Variants in NTRK3 observed in about 807,000 individuals in gnomAD.
NTRK3 encodes the protein NT-3 growth factor receptor.
Under a neutral mutation model 91.7 loss-of-function variants are expected in NTRK3, and 24 were observed. The observed-to-expected ratio is 0.26, with a 90% CI of 0.19 to 0.37. The LOEUF is 0.37. Ranked by LOEUF, NTRK3 falls within the 10% of genes least tolerant of loss-of-function variation. The probability of loss-of-function intolerance (pLI) is 1.00; values close to 1 mark genes in which losing one functional copy is unlikely to be tolerated. For missense variants in NTRK3, 880 were observed against 1,068.9 expected (o/e 0.82, Z 2.46); for synonymous variants, 483 against 404.0 (o/e 1.20, Z -2.34).
intron 17 of NTRK3, among the ~76,000 whole-genome samples, chr15:87,904,161 T>TC (rs1181422567): frequency 6.6e-6 from 1 of 151,634 alleles, no homozygotes. Flanking sequence ...AGCATTTTTT[T>TC]TTTTTTTTGA....
At chr15:87,908,492 G>C (rs920076300) in intron 17 of NTRK3, 2 of 399,818 alleles carry the variant, frequency 5.0e-6, no homozygotes, top group Non-Finnish European at 4.4e-6. Flanking sequence ...GACTCACTGT[G>C]GAAGCTGCCG....
chr15:87,955,828 G>C (rs965402052), intron 14 of NTRK3, among the ~76,000 whole-genome samples: 2 of 152,152 alleles, frequency 1.3e-5, no homozygotes, highest in African/African-American at 2.4e-5. Flanking sequence ...TTGCTGAGGG[G>C]TCACATGTTG....
At position 87,918,594 on chromosome 15, in the gene NTRK3, A is replaced by T. The variant is rs1364160555; in HGVS notation, c.2133+10597T>A. ...TCCTCTACTTAGATAAGCTTTAGAC[A>T]TTCTTAACTGCCTTTTATACAATTT... On this transcript the variant is annotated intron_variant, in intron 17 of 18. Coordinates refer to ENST00000394480, the Ensembl canonical transcript of NTRK3. 2.6e-5 allele frequency among the ~76,000 whole-genome samples: 4 copies of T among 152,350 alleles called. No homozygotes were observed. The East Asian group carries it at 5.8e-4, about 22-fold the overall frequency.
intron 5 of NTRK3, among the ~76,000 whole-genome samples, chr15:88,152,514 A>T (rs1357474670): frequency 6.6e-6 from 1 of 152,188 alleles, no homozygotes; most frequent in East Asian, 1.9e-4. Flanking sequence ...GCCATCTACA[A>T]GTCAAGGAGA....
chr15:87,954,007 AGTGTGT>A (rs61653896), intron 14 of NTRK3, among the ~76,000 whole-genome samples: 20,307 of 127,662 alleles, frequency 0.16, 1,384 homozygotes, highest in Non-Finnish European at 0.19. Flanking sequence ...AGACCTTTTC[AGTGTGT>A]GTGTGTGTGT....
intron 3 of NTRK3, among the ~76,000 whole-genome samples, chr15:88,196,174 G>A (rs1282561517): frequency 6.6e-6 from 1 of 152,130 alleles, no homozygotes; most frequent in African/African-American, 2.4e-5. Flanking sequence ...CCAAAGCTTG[G>A]GGCATTTTCA....
chr15:87,876,981 T>C (rs774558650), exon 19 of NTRK3: 14 of 1,613,842 alleles, frequency 8.7e-6, no homozygotes, highest in African/African-American at 1.3e-5. Flanking sequence ...CCCCAAAGCA[T>C]GGAGGATTTT....
chr15:87,946,874 C>CTTTTTTTTT (rs560114979), intron 14 of NTRK3, among the ~76,000 whole-genome samples: 4 of 85,440 alleles, frequency 4.7e-5, no homozygotes, highest in Admixed American at 1.6e-4. Flanking sequence ...TTCGTGGGTT[C>CTTTTTTTTT]TTTTTTTTTT....
At chr15:87,893,371 G>A (rs1051572478) in intron 17 of NTRK3, among the ~76,000 whole-genome samples, 11 of 152,296 alleles carry the variant, frequency 7.2e-5, no homozygotes, top group East Asian at 5.8e-4. Context: ...GAAATAAGTG[G>A]TGCAGAAGGT....
chr15:88,161,721 C>A (rs941677603), intron 5 of NTRK3, among the ~76,000 whole-genome samples: 1 of 152,146 alleles, frequency 6.6e-6, no homozygotes, highest in Admixed American at 6.5e-5. Flanking sequence ...AGTGATCACA[C>A]AGTGACAAAT....
At chr15:87,927,188 TTGCTGTGG>T (rs2068388639) in intron 17 of NTRK3, 5 of 152,256 alleles carry the variant, frequency 3.3e-5, no homozygotes, top group African/African-American at 1.2e-4. Flanking sequence ...GCTACCCAGC[TTGCTGTGG>T]ACACTGTATG....
At chr15:88,044,289 CT>C (rs2079942598) in intron 13 of NTRK3, among the ~76,000 whole-genome samples, 1 of 109,158 alleles carries the variant, frequency 9.2e-6, no homozygotes, top group African/African-American at 3.6e-5. Context: ...GAGATGGAGT[CT>C]TGCTCTGTTG....
At chr15:88,219,956 C>G (rs540464465) in intron 3 of NTRK3, among the ~76,000 whole-genome samples, 2 of 152,280 alleles carry the variant, frequency 1.3e-5, no homozygotes, top group East Asian at 3.9e-4. Flanking sequence ...ATGCCCGCAC[C>G]CCCTCCTCTC....
At chr15:88,256,193 G>A (rs2142091469) in intron 2 of NTRK3, 25 bp from the exon 3 acceptor site, 5 of 1,393,290 alleles carry the variant, frequency 3.6e-6, no homozygotes, top group Non-Finnish European at 4.9e-6. Context: ...GAGGAGAGGA[G>A]AGGGGGGTGG....
At chr15:87,986,419 A>C (rs1020043819) in intron 14 of NTRK3, among the ~76,000 whole-genome samples, 10 of 152,214 alleles carry the variant, frequency 6.6e-5, no homozygotes, top group African/African-American at 2.4e-4. Flanking sequence ...TTCACATATA[A>C]CCCTGTTTCT....
intron 17 of NTRK3, among the ~76,000 whole-genome samples, chr15:87,883,132 T>C (rs1385664034): frequency 6.6e-6 from 1 of 151,256 alleles, no homozygotes; most frequent in African/African-American, 2.4e-5. Flanking sequence ...TATATATGCA[T>C]ATACAGATAT....
At chr15:88,247,565 C>T (rs1410889323) in intron 3 of NTRK3, among the ~76,000 whole-genome samples, 1 of 152,202 alleles carries the variant, frequency 6.6e-6, no homozygotes. Context: ...ATTTACAGAG[C>T]CTAGCGAATA....
chr15:88,164,404 T>G (rs570666506), intron 5 of NTRK3, among the ~76,000 whole-genome samples: 2 of 152,224 alleles, frequency 1.3e-5, no homozygotes, highest in Non-Finnish European at 2.9e-5. Flanking sequence ...CAGAATGCTG[T>G]GACTCCAGGG....
At position 87,932,786 on chromosome 15, in the gene NTRK3, TA is replaced by T. The variant is rs752919036; in HGVS notation, c.1889+225del. Among the ~76,000 whole-genome samples, 8 of 152,298 alleles carry T rather than the reference TA, an allele frequency of 5.3e-5. No homozygotes were observed. In the East Asian group the frequency reaches 1.5e-3, roughly 29 times the overall value. The stretch of plus-strand genomic sequence containing the variant: ...CATTTTGGAATGAGGAAGAATAGTA[TA>T]GGATACTTATCATAGTATCCTCAAC... On this transcript the variant is annotated intron_variant, in intron 16 of 18. Coordinates refer to ENST00000394480, the Ensembl canonical transcript of NTRK3.
Sources: gnomAD v4.1 joint callset for allele counts (sites outside exome capture counted in the v4.1 genomes callset) on GRCh38, gnomAD v4.1.1 for gene constraint, MANE v1.5 for transcripts, NCBI Gene and HGNC (gene_info 2026-07-23, HGNC 2026-07-21) for gene names.